Variants in NDRG2 observed in about 807,000 individuals in gnomAD.
NDRG2 encodes the protein NDRG family member 2, also known as protein NDRG2.
Under a neutral mutation model 58.2 loss-of-function variants are expected in NDRG2, and 34 were observed. The ratio of observed to expected loss-of-function variants is 0.58; its 90% CI spans 0.44 to 0.78. NDRG2 has a LOEUF of 0.78. NDRG2 is among the 30% of genes least tolerant of loss of function. NDRG2 has a pLI of 0.00. For missense variants in NDRG2, 434 were observed against 471.2 expected (o/e 0.92, Z 0.73); for synonymous variants, 187 against 175.9 (o/e 1.06, Z -0.50).
chr14:21,030,778 T>G, upstream of NDRG2: 2 of 1,609,854 alleles, frequency 1.2e-6, no homozygotes, highest in Non-Finnish European at 1.7e-6. Context: ...AATATGGAGG[T>G]GGGGGTGAGA....
chr14:21,057,964 A>G lies in NDRG2; in HGVS notation c.24+12864T>C, dbSNP rs368885544. The stretch of plus-strand genomic sequence containing the variant: ...TGGGGCTGTGGGTGGCAGAGGTCCT[A>G]GTCAGAGCCAAGCCCAAGGACATGA... On this transcript the variant is annotated intron_variant, in intron 1 of 14. Coordinates refer to the NDRG2 transcript ENST00000403829. 5 of 1,613,910 alleles carry G rather than the reference A, an allele frequency of 3.1e-6. No individual in the cohort carries two copies. The African/African-American group carries it at 5.3e-5, about 17-fold the overall frequency.
chr14:21,049,737 A>G (rs758319518), intron 1 of NDRG2, among the ~76,000 whole-genome samples: 24 of 152,004 alleles, frequency 1.6e-4, no homozygotes, highest in East Asian at 7.7e-4. Flanking sequence ...GTGGCATTCA[A>G]TATCAAATGG....
At position 21,017,103 on chromosome 14, in the gene NDRG2, C is replaced by A. The variant is rs1432464871; in HGVS notation, c.*493G>T. The A allele has an allele frequency of 2.3e-6, 1 of 431,914 alleles. No individual in the cohort carries two copies. The highest frequency in any genetic ancestry group is 7.1e-5 in the East Asian group (1 of 14,058). 26.8% of individuals were successfully genotyped at this position (431,914 alleles called of 1,614,324 possible). A position where few individuals can be genotyped will look rare whatever the true frequency, so the allele number is the denominator to read the frequency against. ...CACATCCTGAGGACCACTAACCCACCAGCAAGTCTCCCCCTGACACACATT... is the reference window on the plus strand; with the variant it reads ...CACATCCTGAGGACCACTAACCCACAAGCAAGTCTCCCCCTGACACACATT... On this transcript the variant is annotated 3_prime_UTR_variant, in exon 16 of 16. Transcript: ENST00000556147.
intron 1 of NDRG2, among the ~76,000 whole-genome samples, chr14:21,054,335 T>TACACAC (rs3061929): frequency 1.1e-3 from 168 of 150,026 alleles, no homozygotes; most frequent in African/African-American, 3.1e-3. Context: ...AAAGAGATAA[T>TACACAC]ACACACACAC....
intron 1 of NDRG2, among the ~76,000 whole-genome samples, chr14:21,036,723 G>A (rs930460581): frequency 2.6e-5 from 4 of 152,110 alleles, no homozygotes; most frequent in Admixed American, 6.5e-5. Flanking sequence ...CTGCTGCACC[G>A]TTCCTCGCCC....
chr14:21,030,292 C>T (rs1337378697), upstream of NDRG2: 15 of 364,578 alleles, frequency 4.1e-5, no homozygotes, highest in African/African-American at 1.2e-4. Flanking sequence ...GACCACCATC[C>T]GGGTACTCTA....
intron 6 of NDRG2, 167 bp from the exon 7 acceptor site, chr14:21,021,011 A>C (rs1040585468): frequency 1.3e-6 from 1 of 752,826 alleles, no homozygotes; most frequent in Non-Finnish European, 2.3e-6. Context: ...AAGAAGCCAA[A>C]GGTTGGCACG....
At chr14:21,038,938 C>G (rs1156603248) in intron 1 of NDRG2, among the ~76,000 whole-genome samples, 2 of 152,210 alleles carry the variant, frequency 1.3e-5, no homozygotes, top group East Asian at 1.9e-4. Context: ...CATCTGACCT[C>G]AACTTGCTGT....
Position 21,021,863 on chromosome 14 carries a change from G to T in NDRG2, c.361C>A (p.Leu121Met), listed in dbSNP as rs146764773. Reference sequence around the variant, plus strand: ...GGGATCATGTCTGCAAGCTGGTCCAGAGATGGGTACTGATATCTGGAAAAG... The same window carrying T: ...GGGATCATGTCTGCAAGCTGGTCCATAGATGGGTACTGATATCTGGAAAAG... ...VFPLGYQYPS[L>M]DQLADMIPCV... Residue 121 changes from leucine to methionine, a missense_variant, in exon 6 of 16, where the codon CTG becomes ATG. Coordinates refer to ENST00000556147, the MANE Select transcript of NDRG2 (RefSeq NM_001320329.2). 375 of 1,613,282 alleles carry T rather than the reference G, an allele frequency of 2.3e-4. No homozygotes were observed. Among genetic ancestry groups the T allele is most frequent in the Non-Finnish European group, 1.3e-5 (15 of 1,179,692 alleles).
At chr14:21,021,714 G>A (rs902186772) in intron 6 of NDRG2, 103 bp downstream of exon 6, 1 of 1,244,734 alleles carries the variant, frequency 8.0e-7, no homozygotes. Context: ...ATTGAGTTCA[G>A]AAGCTGAAAC....
At chr14:21,037,789 G>A (rs956401393) in intron 1 of NDRG2, among the ~76,000 whole-genome samples, 2 of 152,222 alleles carry the variant, frequency 1.3e-5, no homozygotes, top group African/African-American at 2.4e-5. Flanking sequence ...CCAGAAAAAT[G>A]TGTATTGATA....
intron 1 of NDRG2, chr14:21,034,203 C>A: frequency 6.2e-7 from 1 of 1,614,088 alleles, no homozygotes; most frequent in Admixed American, 1.7e-5. Context: ...GAAGTTCCTG[C>A]TGCCAATCTG....
intron 2 of NDRG2, 143 bp from the exon 3 acceptor site, chr14:21,023,048 A>T: frequency 9.1e-7 from 1 of 1,097,348 alleles, no homozygotes; most frequent in South Asian, 1.4e-5. Context: ...AGAGACACGG[A>T]AAGGATGAAG....
chr14:21,058,409 T>A, intron 1 of NDRG2: 1 of 1,322,064 alleles, frequency 7.6e-7, no homozygotes, highest in Non-Finnish European at 1.1e-6. Context: ...TGCTGCTGCT[T>A]TTCCTCCCTC....
At position 21,021,890 on chromosome 14, in the gene NDRG2, G is replaced by A. The variant is rs368741186; in HGVS notation, c.345-11C>T. 89 of 1,612,586 alleles carry A rather than the reference G, an allele frequency of 5.5e-5. No individual in the cohort carries two copies. The highest frequency in any genetic ancestry group is 7.3e-5 in the Non-Finnish European group (86 of 1,179,358). ...GATGGGTACTGATATCTGGAAAAGA[G>A]AGGCATGTTAAGGAAGATACCAACC... On this transcript the variant is annotated splice_polypyrimidine_tract_variant and intron_variant, in intron 5 of 15. Coordinates refer to ENST00000556147, the MANE Select transcript of NDRG2 (RefSeq NM_001320329.2).
rs144405763 is a variant in NDRG2, at chr14:21,043,232, C to T, written c.25-19911G>A. On this transcript the variant is annotated intron_variant, in intron 1 of 14. Transcript: ENST00000403829. ...TGCACGAGCCTTTCTCCAGTGTGGCCGCCACCTGCCAGACCCCCAAAATAG... is the reference window on the plus strand; with the variant it reads ...TGCACGAGCCTTTCTCCAGTGTGGCTGCCACCTGCCAGACCCCCAAAATAG... The T allele has an allele frequency of 9.0e-4, 1,456 of 1,614,134 alleles. 7 individuals carry two copies. In the African/African-American group the frequency reaches 0.012, roughly 13 times the overall value.
chr14:21,023,358 C>T (rs1881865042), intron 1 of NDRG2, 37 bp from the exon 2 acceptor site: 1 of 1,568,208 alleles, frequency 6.4e-7, no homozygotes, highest in Non-Finnish European at 8.7e-7. Flanking sequence ...GAAGTTGTCT[C>T]TACATCCCCA....
chr14:21,023,084 C>G, intron 2 of NDRG2, 157 bp downstream of exon 2: 1 of 915,582 alleles, frequency 1.1e-6, no homozygotes, highest in Non-Finnish European at 1.7e-6. Context: ...AGACAAGGGC[C>G]TGACTCCCAA....
upstream of NDRG2, among the ~76,000 whole-genome samples, chr14:21,026,903 G>C (rs2139059612): frequency 6.6e-6 from 1 of 152,310 alleles, no homozygotes; most frequent in East Asian, 1.9e-4. Flanking sequence ...AGACAGGAGA[G>C]ATCTCATCAG....
Sources: allele counts gnomAD v4.1 joint callset (sites outside exome capture counted in the v4.1 genomes callset), GRCh38; gene constraint gnomAD v4.1.1; transcripts MANE v1.5; gene names NCBI Gene and HGNC (gene_info 2026-07-23, HGNC 2026-07-21).